The following MYH9 variants were observed in gnomAD, a reference collection of about 807,000 sequenced individuals.
MYH9 encodes the protein myosin heavy chain 9.
Under a neutral mutation model 241.9 loss-of-function variants are expected in MYH9, and 29 were observed. The observed-to-expected ratio is 0.12, with a 90% CI of 0.09 to 0.16. The LOEUF (loss-of-function observed/expected upper bound fraction) is 0.16, where lower values mean the gene tolerates loss of function less well. Among genes scored for constraint, MYH9 ranks in the 10% least tolerant of loss-of-function variants. MYH9 has a pLI of 1.00. For missense variants in MYH9, 1,803 were observed against 2,595.5 expected, an observed-to-expected ratio of 0.69 and a Z score of 6.63; for synonymous variants, 1,047 against 1,062.6, an observed-to-expected ratio of 0.99 and a Z score of 0.29.
At chr22:36,315,977 G>A (rs912275421) in intron 12 of MYH9, among the ~76,000 whole-genome samples, 22 of 151,526 alleles carry the variant, frequency 1.5e-4, no homozygotes, top group East Asian at 1.9e-4. Context: ...GGCAAAGGCT[G>A]CAGTGAGCTA....
chr22:36,293,905 C>G lies in MYH9; in HGVS notation c.3838-42G>C. ...GACACAAAGGACCATGGACCCACCC[C>G]CACTGCTCCTGCCCCACCTCATCTC... On this transcript the variant is annotated intron_variant, in intron 28 of 40. Transcript: ENST00000216181. This position sits in a 1 kb window ranked among gnomAD's most constrained non-coding sequence, Gnocchi z 5.1. The G allele has an allele frequency of 1.9e-6, 3 of 1,562,544 alleles. No homozygotes were observed. The highest frequency in any genetic ancestry group is 2.6e-6 in the Non-Finnish European group (3 of 1,141,016).
intron 1 of MYH9, among the ~76,000 whole-genome samples, chr22:36,377,448 C>A (rs2018186276): frequency 1.3e-5 from 2 of 152,078 alleles, no homozygotes; most frequent in African/African-American, 4.8e-5. Context: ...CAGCTCAGAT[C>A]AGTGTAATGA....
chr22:36,356,387 C>A (rs2017855777), intron 1 of MYH9, among the ~76,000 whole-genome samples: 1 of 151,358 alleles, frequency 6.6e-6, no homozygotes, highest in African/African-American at 2.4e-5. Context: ...TTGAGACCAG[C>A]CTGGCCAAAA....
rs559841300 is a variant in MYH9 at position 36,320,345 on chromosome 22, G to A, written c.887C>T (p.Pro296Leu). The change falls in exon 9 of 41, where the codon CCG (proline) becomes CTG (leucine). Residue 296 changes from proline to leucine, a missense_variant. Around this residue, in one of 11 missense-constraint regions of MYH9, gnomAD observed 222 missense variants for 359.9 expected, o/e 0.62. Coordinates refer to ENST00000216181, the MANE Select transcript of MYH9 (RefSeq NM_002473.6). The surrounding 1 kb of genome is among the most constrained non-coding windows in gnomAD (Gnocchi z 4.8). ...GGACAGGAAGCGGTATTTGTTGTAC[G>A]GCTCCAACAGGAGATCGGCTGTAAG... ...EHLKTDLLLE[P>L]YNKYRFLSNG... The A allele has an allele frequency of 6.7e-5, 108 of 1,613,914 alleles. 1 individual carries two copies. The South Asian group carries it at 1.0e-3, about 15-fold the overall frequency.
At chr22:36,296,231 TAA>T (rs1603482964) in intron 25 of MYH9, among the ~76,000 whole-genome samples, 1 of 152,084 alleles carries the variant, frequency 6.6e-6, no homozygotes, top group African/African-American at 2.4e-5. Context: ...CTCTAAAAAA[TAA>T]AGTCTCTTTC....
intron 12 of MYH9, among the ~76,000 whole-genome samples, chr22:36,315,021 T>C (rs2011810116): frequency 6.6e-6 from 1 of 152,074 alleles, no homozygotes; most frequent in Non-Finnish European, 1.5e-5. Context: ...TGACTTCAAA[T>C]GATTCTCTTG....
chr22:36,352,756 C>T (rs2017788431), intron 1 of MYH9, among the ~76,000 whole-genome samples: 1 of 152,156 alleles, frequency 6.6e-6, no homozygotes, highest in Non-Finnish European at 1.5e-5. Context: ...CCAGGGACAC[C>T]CCCCGCCTCC....
intron 11 of MYH9, among the ~76,000 whole-genome samples, chr22:36,316,993 T>C (rs7290343): frequency 3.7e-3 from 303 of 82,296 alleles, no homozygotes; most frequent in African/African-American, 0.011. Context: ...CCACCCTAAA[T>C]GCACCCGATC....
At chr22:36,376,830 G>A (rs781272355) in intron 1 of MYH9, among the ~76,000 whole-genome samples, 27 of 152,228 alleles carry the variant, frequency 1.8e-4, no homozygotes, top group Admixed American at 1.2e-3. Context: ...TTGGGAGGCC[G>A]AGGCAGGTGA....
Position 36,312,217 on chromosome 22 carries a change from G to A in MYH9, c.1560C>T (p.Gly520=). 2 of 1,614,032 alleles carry A rather than the reference G, an allele frequency of 1.2e-6. No individual in the cohort carries two copies. The highest frequency in any genetic ancestry group is 1.7e-6 in the Non-Finnish European group (2 of 1,180,034). Residue 520 remains glycine, a synonymous_variant, in exon 14 of 41, where the codon GGC becomes GGT. Coordinates refer to ENST00000216181, the MANE Select transcript of MYH9 (RefSeq NM_002473.6). ...CCAGCAGGGCCAGAATGCCCGGGGG[G>A]CCTGCCTGGAGGAAGCGCAGCATCA... ...PCIDLIEKPA[G]PPGILALLDE...
At chr22:36,339,019 T>A (rs975092196) in intron 3 of MYH9, among the ~76,000 whole-genome samples, 2 of 151,886 alleles carry the variant, frequency 1.3e-5, no homozygotes, top group African/African-American at 4.8e-5. Flanking sequence ...CTCTGCATCC[T>A]TTTTTTTGTC....
chr22:36,300,632 C>T lies in MYH9; in HGVS notation c.2838+219G>A, dbSNP rs2016861633. On this transcript the variant is annotated intron_variant, in intron 22 of 40. Coordinates refer to ENST00000216181, the MANE Select transcript of MYH9 (RefSeq NM_002473.6). This position sits in a 1 kb window ranked among gnomAD's most constrained non-coding sequence, Gnocchi z 5.0. ...CTAATGGCAGGGAAATCAAATTGGC[C>T]TTGATGCTGGCCCAGGCAGTGCTCA... Among the ~76,000 whole-genome samples the T allele has an allele frequency of 6.6e-6, 1 of 152,210 alleles. No homozygotes were observed. The highest frequency in any genetic ancestry group is 6.5e-5 in the Admixed American group (1 of 15,288).
At chr22:36,385,950 G>A (rs1393306552) in intron 1 of MYH9, among the ~76,000 whole-genome samples, 1 of 152,184 alleles carries the variant, frequency 6.6e-6, no homozygotes, top group African/African-American at 2.4e-5. Flanking sequence ...CCTTGCCCAA[G>A]AGAAGTGGCC....
In MYH9 at chr22:36,288,613, G is replaced by C; in HGVS notation, c.4770+114C>G. On this transcript the variant is annotated intron_variant, in intron 33 of 40. Transcript: ENST00000216181. The surrounding 1 kb of genome is among the most constrained non-coding windows in gnomAD (Gnocchi z 4.8). ...GAGGCTAGAAAGAAGGAATATGGGA[G>C]GGGAGGCGTGGTCAAGGGGCCCTAA... is the stretch of plus-strand genomic sequence containing the variant. 7.3e-7 allele frequency: 1 copy of C among 1,363,068 alleles called. No homozygotes were observed. Among genetic ancestry groups the C allele is most frequent in the Non-Finnish European group, 1.0e-6 (1 of 967,272 alleles). 84.4% of individuals were successfully genotyped at this position (1,363,068 alleles called of 1,614,324 possible).
intron 35 of MYH9, 59 bp downstream of exon 35, chr22:36,286,659 A>C: frequency 1.2e-6 from 2 of 1,604,400 alleles, no homozygotes; most frequent in Non-Finnish European, 1.7e-6. Flanking sequence ...TGAAAGCCCC[A>C]CGCTGCCACC....
chr22:36,346,642 G>A (rs1031669227), intron 2 of MYH9, among the ~76,000 whole-genome samples: 6 of 152,064 alleles, frequency 3.9e-5, no homozygotes, highest in South Asian at 2.1e-4. Flanking sequence ...TCACTCTGTC[G>A]TCCAGGCTGG....
intron 1 of MYH9, among the ~76,000 whole-genome samples, chr22:36,373,464 C>T (rs191924162): frequency 9.2e-5 from 14 of 152,346 alleles, no homozygotes; most frequent in Middle Eastern, 3.4e-3. Context: ...TCCAAAAGCC[C>T]GGACAGATCT....
chr22:36,329,368 C>T lies in MYH9; in HGVS notation c.491-1880G>A, dbSNP rs113774168. Among the ~76,000 whole-genome samples, 556 of 152,314 alleles carry T rather than the reference C, an allele frequency of 3.7e-3. 4 individuals are homozygous for T. Among genetic ancestry groups the T allele is most frequent in the Non-Finnish European group, 5.8e-3 (395 of 68,026 alleles). On this transcript the variant is annotated intron_variant, in intron 3 of 40. Coordinates refer to ENST00000216181, the MANE Select transcript of MYH9 (RefSeq NM_002473.6). The surrounding 1 kb of genome is among the most constrained non-coding windows in gnomAD (Gnocchi z 4.1). ...GACGGGAAGACAGAAGGGAGGGAGG[C>T]GGCAGGAACCACAGCCTGGGGAAGA...
intron 1 of MYH9, among the ~76,000 whole-genome samples, chr22:36,366,544 G>A (rs1352530783): frequency 6.6e-6 from 1 of 152,184 alleles, no homozygotes; most frequent in Non-Finnish European, 1.5e-5. Flanking sequence ...AAAGGAGAGA[G>A]CCTCAGAGGC....
Sources: allele counts gnomAD v4.1 joint callset (sites outside exome capture counted in the v4.1 genomes callset), GRCh38; gene constraint gnomAD v4.1.1; regional missense constraint gnomAD v4.1.1; non-coding constraint Gnocchi (gnomAD v3.1); transcripts MANE v1.5; gene names NCBI Gene and HGNC (gene_info 2026-07-23, HGNC 2026-07-21).